Variants in LTBP1 observed in about 807,000 individuals in gnomAD.
LTBP1 encodes the protein latent-transforming growth factor beta-binding protein 1.
In LTBP1, 129 loss-of-function variants were observed where a neutral mutation model predicts 207.6. The ratio of observed to expected loss-of-function variants is 0.62; its 90% CI spans 0.54 to 0.72. The LOEUF (loss-of-function observed/expected upper bound fraction) is 0.72. LTBP1 is among the 30% of genes least tolerant of loss of function. LTBP1 has a pLI of 0.00. For missense variants in LTBP1, 2,281 were observed against 2,217.2 expected, an observed-to-expected ratio of 1.03 and a Z score of -0.58; for synonymous variants, 963 against 833.7, an observed-to-expected ratio of 1.16 and a Z score of -2.67.
chr2:32,995,314 G>C (rs1401994906), intron 2 of LTBP1, among the ~76,000 whole-genome samples: 3 of 152,146 alleles, frequency 2.0e-5, no homozygotes, highest in Non-Finnish European at 2.9e-5. Context: ...TCTCCTGGGG[G>C]TCAAGTGCAC....
intron 31 of LTBP1, among the ~76,000 whole-genome samples, chr2:33,374,155 G>T (rs1281802246): frequency 6.6e-6 from 1 of 152,168 alleles, no homozygotes; most frequent in Non-Finnish European, 1.5e-5. Flanking sequence ...GTTGCAAAAG[G>T]CCTGTCAGCA....
intron 9 of LTBP1, among the ~76,000 whole-genome samples, chr2:33,223,994 A>G (rs927482941): frequency 6.6e-6 from 1 of 152,202 alleles, no homozygotes; most frequent in African/African-American, 2.4e-5. Flanking sequence ...GCTAAAACTT[A>G]TGTGAAAGGC....
chr2:32,959,962 C>T (rs1329388952), intron 2 of LTBP1, among the ~76,000 whole-genome samples: 3 of 151,992 alleles, frequency 2.0e-5, no homozygotes, highest in Admixed American at 6.6e-5. Flanking sequence ...TCTCCATCCT[C>T]CCATATGCAT....
At chr2:33,212,334 G>A (rs1317029004) in intron 7 of LTBP1, among the ~76,000 whole-genome samples, 1 of 152,208 alleles carries the variant, frequency 6.6e-6, no homozygotes, top group Non-Finnish European at 1.5e-5. Flanking sequence ...CAGGCAGCAT[G>A]AGCAACTCTA....
Position 32,956,657 on chromosome 2 carries a change from T to C in LTBP1, c.565+7712T>C, listed in dbSNP as rs115885749. Among the ~76,000 whole-genome samples the C allele has an allele frequency of 6.1e-3, 934 of 152,360 alleles. 12 individuals are homozygous for C. The highest frequency in any genetic ancestry group is 0.021 in the African/African-American group (889 of 41,588). ...TCTTCCAAACTCCTGTTAATGTGGA[T>C]ACTTTAATCTCCTCCCGTAAATCAT... On this transcript the variant is annotated intron_variant, in intron 2 of 33. Coordinates refer to ENST00000404816, the MANE Select transcript of LTBP1 (RefSeq NM_206943.4).
At chr2:33,329,264 T>G (rs1270356752) in intron 24 of LTBP1, among the ~76,000 whole-genome samples, 2 of 152,198 alleles carry the variant, frequency 1.3e-5, no homozygotes, top group East Asian at 3.8e-4. Flanking sequence ...AGATATATCT[T>G]TAACAACTTA....
intron 10 of LTBP1, among the ~76,000 whole-genome samples, chr2:33,250,986 C>A (rs1314160391): frequency 6.6e-6 from 1 of 152,204 alleles, no homozygotes; most frequent in Non-Finnish European, 1.5e-5. Context: ...GCCTGAGAAC[C>A]TGCCTGGCTA....
At chr2:33,143,886 G>A (rs761123837) in intron 5 of LTBP1, among the ~76,000 whole-genome samples, 3 of 151,640 alleles carry the variant, frequency 2.0e-5, no homozygotes, top group Non-Finnish European at 4.4e-5. Flanking sequence ...TCCAGGACCC[G>A]GGGTTGGTAA....
chr2:33,293,246 G>A lies in LTBP1; in HGVS notation c.3199G>A (p.Gly1067Ser), dbSNP rs1481057011. 5 of 1,613,996 alleles carry A rather than the reference G, an allele frequency of 3.1e-6. No homozygotes were observed. The South Asian group carries it at 4.4e-5, about 14-fold the overall frequency. The change falls in exon 20 of 34, where the codon GGC becomes AGC. Residue 1067 changes from glycine to serine, a missense_variant. This residue lies in a region of LTBP1 where 1,671 missense variants were observed against 1,634.8 expected (regional missense o/e 1.02). Transcript: ENST00000404816. ...EGSYMCSCHK[G>S]YTRTPDHKHC... ...CTCCTACATGTGTTCATGCCACAAA[G>A]GCTATACCCGGACTCCGGACCACAA...
chr2:33,093,333 C>G (rs1028695326), intron 3 of LTBP1, among the ~76,000 whole-genome samples: 9 of 152,134 alleles, frequency 5.9e-5, no homozygotes, highest in African/African-American at 2.2e-4. Context: ...TTCCCCTGCT[C>G]TCCCTCCTAT....
At chr2:33,365,157 C>T (rs754119242) in intron 30 of LTBP1, among the ~76,000 whole-genome samples, 176 bp from the exon 31 acceptor site, 9 of 152,020 alleles carry the variant, frequency 5.9e-5, no homozygotes, top group Non-Finnish European at 1.3e-4. Context: ...GGAATGACAC[C>T]CAGTTGGAGA....
intron 19 of LTBP1, among the ~76,000 whole-genome samples, chr2:33,288,169 C>T (rs1423132318): frequency 1.3e-5 from 2 of 152,148 alleles, no homozygotes; most frequent in Admixed American, 6.6e-5. Flanking sequence ...TTGACATACT[C>T]ATCTCATTGA....
chr2:33,111,675 C>T (rs2080412709), intron 4 of LTBP1, among the ~76,000 whole-genome samples: 1 of 152,204 alleles, frequency 6.6e-6, no homozygotes, highest in Non-Finnish European at 1.5e-5. Flanking sequence ...GTGATTGACT[C>T]TTCCCTCAGA....
intron 7 of LTBP1, among the ~76,000 whole-genome samples, chr2:33,210,687 T>C (rs1227450252): frequency 6.6e-6 from 1 of 152,250 alleles, no homozygotes; most frequent in Non-Finnish European, 1.5e-5. Flanking sequence ...CTTCTCTGAC[T>C]CTGCACACCC....
intron 3 of LTBP1, among the ~76,000 whole-genome samples, chr2:33,083,028 C>T (rs1337742607): frequency 2.0e-5 from 3 of 152,060 alleles, no homozygotes; most frequent in African/African-American, 4.8e-5. Flanking sequence ...CACCACAAAC[C>T]ACCCTTCCCT....
Position 33,042,653 on chromosome 2 carries a change from C to G in LTBP1, c.863+21447C>G, listed in dbSNP as rs192140679. On this transcript the variant is annotated intron_variant, in intron 3 of 33. Transcript: ENST00000404816. Reference sequence around the variant, plus strand: ...TTTTCAGCCCAAAATTGGAGGAGGCCAGACCAATGGGAGGTTTCTGTCACT... The same window carrying G: ...TTTTCAGCCCAAAATTGGAGGAGGCGAGACCAATGGGAGGTTTCTGTCACT... Among the ~76,000 whole-genome samples, 3 of 152,232 alleles carry G rather than the reference C, an allele frequency of 2.0e-5. No homozygotes were observed. In the East Asian group the frequency reaches 5.8e-4, roughly 29 times the overall value.
At chr2:33,350,982 A>AAG (rs1297758234) in intron 26 of LTBP1, among the ~76,000 whole-genome samples, 9 of 152,286 alleles carry the variant, frequency 5.9e-5, no homozygotes, top group African/African-American at 2.2e-4. Context: ...ATACAATGAA[A>AAG]AATATATATA....
At chr2:33,346,485 A>G (rs1472943576) in intron 25 of LTBP1, among the ~76,000 whole-genome samples, 1 of 151,786 alleles carries the variant, frequency 6.6e-6, no homozygotes. Context: ...GGAGTTCATG[A>G]CCATCCTGGC....
At chr2:33,074,824 C>T (rs1036488141) in intron 3 of LTBP1, among the ~76,000 whole-genome samples, 1 of 149,964 alleles carries the variant, frequency 6.7e-6, no homozygotes, top group Admixed American at 6.7e-5. Flanking sequence ...CAGCCGAGAT[C>T]GCACCACTGC....
Sources: allele counts gnomAD v4.1 joint callset (sites outside exome capture counted in the v4.1 genomes callset), GRCh38; gene constraint gnomAD v4.1.1; regional missense constraint gnomAD v4.1.1; transcripts MANE v1.5; gene names NCBI Gene and HGNC (gene_info 2026-07-23, HGNC 2026-07-21).